The following ACSM2B variants were observed in gnomAD, a reference collection of about 807,000 sequenced individuals.
ACSM2B encodes the protein acyl-CoA synthetase medium chain family member 2B.
In ACSM2B, 58 loss-of-function variants were observed where a neutral mutation model predicts 78.6. The observed-to-expected ratio is 0.74, with a 90% CI of 0.60 to 0.92. ACSM2B has a LOEUF of 0.92. Among genes scored for constraint, ACSM2B ranks in the 40% least tolerant of loss-of-function variants. ACSM2B has a pLI of 0.00. For missense variants in ACSM2B, 688 were observed against 711.2 expected (o/e 0.97, Z 0.37); for synonymous variants, 257 against 256.8 (o/e 1.00, Z -0.01).
intron 3 of ACSM2B, among the ~76,000 whole-genome samples, chr16:20,558,648 T>C (rs1419126155): frequency 1.3e-5 from 2 of 152,150 alleles, no homozygotes; most frequent in Non-Finnish European, 2.9e-5. Context: ...TGAGACTTAG[T>C]TGCTCCTCAT....
At chr16:20,566,445 A>G (rs1467758984) in intron 1 of ACSM2B, among the ~76,000 whole-genome samples, 1 of 128,254 alleles carries the variant, frequency 7.8e-6, no homozygotes, top group African/African-American at 2.9e-5. Flanking sequence ...TATTGTATAT[A>G]ACATATTATA....
At chr16:20,568,259 C>G (rs2051386817) in intron 1 of ACSM2B, among the ~76,000 whole-genome samples, 1 of 142,844 alleles carries the variant, frequency 7.0e-6, no homozygotes, top group Admixed American at 7.2e-5. Context: ...TATAGCCACA[C>G]TATAGAACAT....
intron 9 of ACSM2B, among the ~76,000 whole-genome samples, chr16:20,545,879 G>C (rs536413002): frequency 1.2e-4 from 18 of 152,168 alleles, no homozygotes; most frequent in Admixed American, 4.6e-4. Flanking sequence ...ACAAGAGAAA[G>C]CAATAAAACT....
intron 1 of ACSM2B, among the ~76,000 whole-genome samples, chr16:20,567,780 T>A (rs937663145): frequency 1.1e-3 from 149 of 140,418 alleles, no homozygotes; most frequent in Middle Eastern, 7.2e-3. Context: ...ATATATATAA[T>A]ATATAATATA....
chr16:20,558,658 T>C (rs1159673127), intron 3 of ACSM2B, among the ~76,000 whole-genome samples: 3 of 152,184 alleles, frequency 2.0e-5, no homozygotes, highest in Admixed American at 6.5e-5. Context: ...TTGCTCCTCA[T>C]ATTGGTTAAT....
chr16:20,561,812 G>A (rs867778893), intron 2 of ACSM2B, among the ~76,000 whole-genome samples: 21 of 151,064 alleles, frequency 1.4e-4, no homozygotes, highest in East Asian at 5.9e-4. Context: ...GTGCTGCACC[G>A]CTTAACTCAT....
At chr16:20,568,844 A>G (rs1256410533) in intron 1 of ACSM2B, among the ~76,000 whole-genome samples, 2 of 150,688 alleles carry the variant, frequency 1.3e-5, no homozygotes, top group African/African-American at 4.8e-5. Flanking sequence ...TTTCATATGT[A>G]TGCTGGATCT....
chr16:20,549,966 G>A (rs1048630090), intron 6 of ACSM2B: 2 of 319,208 alleles, frequency 6.3e-6, no homozygotes, highest in African/African-American at 4.5e-5. Context: ...TTTAGGTACT[G>A]ACACTAGGCT....
At chr16:20,558,885 G>A (rs2015555417) in intron 3 of ACSM2B, among the ~76,000 whole-genome samples, 1 of 152,228 alleles carries the variant, frequency 6.6e-6, no homozygotes, top group African/African-American at 2.4e-5. Context: ...GATTTGGCCT[G>A]CAGGTCACAG....
chr16:20,562,321 G>A (rs893549059), intron 2 of ACSM2B, among the ~76,000 whole-genome samples: 7 of 152,072 alleles, frequency 4.6e-5, no homozygotes, highest in Non-Finnish European at 8.8e-5. Context: ...TGTATCCTCA[G>A]GGGTTCTCAG....
rs747120834 is a variant in ACSM2B at position 20,564,758 on chromosome 16, G to T, written c.88C>A (p.Leu30Met). The change falls in exon 2 of 14, where the codon CTG becomes ATG. Residue 30 changes from leucine to methionine, a missense_variant. Leu to Met is a conservative substitution (Grantham distance 15). Transcript: ENST00000329697. ...SRTLYINSRQLVSLQWGHQEV... is the reference protein window; with the variant it reads ...SRTLYINSRQMVSLQWGHQEV... ...TGGTGGCCCCACTGCAGGGACACCAGTTGCCTACTATTAATGTAGAGAGTG... is the reference window on the plus strand; with the variant it reads ...TGGTGGCCCCACTGCAGGGACACCATTTGCCTACTATTAATGTAGAGAGTG... 3 of 1,613,410 alleles carry T rather than the reference G, an allele frequency of 1.9e-6. No individual in the cohort carries two copies. Among genetic ancestry groups the T allele is most frequent in the Non-Finnish European group, 1.7e-6 (2 of 1,179,732 alleles).
intron 6 of ACSM2B, among the ~76,000 whole-genome samples, chr16:20,550,125 G>A (rs2015263705): frequency 1.3e-5 from 2 of 152,140 alleles, no homozygotes; most frequent in African/African-American, 4.8e-5. Flanking sequence ...AAAGAACCCT[G>A]GCTGAGGAGG....
chr16:20,549,404 C>T (rs749507775), intron 6 of ACSM2B, among the ~76,000 whole-genome samples: 9 of 151,960 alleles, frequency 5.9e-5, no homozygotes, highest in East Asian at 1.9e-4. Flanking sequence ...CAAGGAGGTT[C>T]GGGGCATCAC....
Position 20,566,733 on chromosome 16 carries a change from AG to A in ACSM2B, c.-8-1881del, listed in dbSNP as rs373603194. Among the ~76,000 whole-genome samples, 3 of 15,192 alleles carry A rather than the reference AG, an allele frequency of 2.0e-4. 1 individual carries two copies. The highest frequency in any genetic ancestry group is 7.9e-4 in the African/African-American group (2 of 2,518). The allele number at this position is 15,192 out of a possible 152,430, so 10.0% of individuals were successfully genotyped here. ...AGTATATATAGTATATACTATATAT[AG>A]TATATACTATATATACTATATATAG... On this transcript the variant is annotated intron_variant, in intron 1 of 13. Transcript: ENST00000329697.
At chr16:20,542,673 T>C (rs1295581007) in intron 12 of ACSM2B, 1 of 518,994 alleles carries the variant, frequency 1.9e-6, no homozygotes, top group East Asian at 3.2e-5. Context: ...GAAATCACCA[T>C]ACTTAAGTAC....
chr16:20,545,288 C>G (rs371680066), intron 9 of ACSM2B, 30 bp from the exon 10 acceptor site: 3 of 1,605,902 alleles, frequency 1.9e-6, no homozygotes, highest in South Asian at 2.2e-5. Context: ...GGAAGAATGA[C>G]GCACACAGCA....
chr16:20,537,625 T>A (rs1484477993), intron 13 of ACSM2B, among the ~76,000 whole-genome samples: 1 of 152,206 alleles, frequency 6.6e-6, no homozygotes, highest in Non-Finnish European at 1.5e-5. Flanking sequence ...GTCAGCCAGC[T>A]GAGCCTTGAC....
intron 12 of ACSM2B, chr16:20,541,231 C>G (rs1188341050): frequency 6.1e-6 from 1 of 163,426 alleles, no homozygotes; most frequent in Non-Finnish European, 1.4e-5. Flanking sequence ...GTTTTCTCAG[C>G]AGGGGATCAC....
chr16:20,555,055 C>G (rs910033346), intron 4 of ACSM2B, among the ~76,000 whole-genome samples: 1 of 152,110 alleles, frequency 6.6e-6, no homozygotes, highest in African/African-American at 2.4e-5. Flanking sequence ...ATTCTATGTG[C>G]TGCTCAGAAG....
Sources: gnomAD v4.1 joint callset for allele counts (sites outside exome capture counted in the v4.1 genomes callset) on GRCh38, gnomAD v4.1.1 for gene constraint, MANE v1.5 for transcripts, NCBI Gene and HGNC (gene_info 2026-07-23, HGNC 2026-07-21) for gene names.